TFB1M: variants seen among roughly 807,000 people sequenced by gnomAD.
TFB1M encodes transcription factor B1, mitochondrial, also known as dimethyladenosine transferase 1, mitochondrial.
A neutral mutation model predicts 31.1 loss-of-function variants in TFB1M; 27 were observed. The observed-to-expected ratio is 0.87, with a 90% CI of 0.64 to 1.20. The LOEUF is 1.20. TFB1M is among the 50% of genes most tolerant of loss of function. The probability of loss-of-function intolerance (pLI) is 0.00; values close to 1 mark genes in which losing one functional copy is unlikely to be tolerated. For missense variants in TFB1M, 394 were observed against 418.7 expected (o/e 0.94, Z 0.51); for synonymous variants, 166 against 151.8 (o/e 1.09, Z -0.69).
chr6:155,307,821 A>C (rs1256485024), intron 2 of TFB1M, among the ~76,000 whole-genome samples: 1 of 152,072 alleles, frequency 6.6e-6, no homozygotes, highest in Non-Finnish European at 1.5e-5. Flanking sequence ...AACAAATTTC[A>C]TAATGTTTTA....
At chr6:155,240,887 G>A in the TFB1M span, among the ~76,000 whole-genome samples, 1 of 152,228 alleles carries the variant, frequency 6.6e-6, no homozygotes, top group Admixed American at 6.5e-5. Flanking sequence ...GAGGGTGGAA[G>A]AGCTGAGGAG....
intron 5 of TFB1M, among the ~76,000 whole-genome samples, chr6:155,279,574 CAT>C (rs1785396782): frequency 6.6e-6 from 1 of 152,168 alleles, no homozygotes; most frequent in African/African-American, 2.4e-5. Context: ...AATGTTTTCT[CAT>C]ATGTCTTTCA....
At chr6:155,248,223 G>A in the TFB1M span, 32 of 1,576,436 alleles carry the variant, frequency 2.0e-5, no homozygotes, top group East Asian at 2.3e-5. Flanking sequence ...TGCACAGGGC[G>A]GCGAGGGGCT....
intron 2 of TFB1M, among the ~76,000 whole-genome samples, chr6:155,304,270 G>A (rs927423595): frequency 6.6e-6 from 1 of 151,972 alleles, no homozygotes; most frequent in African/African-American, 2.4e-5. Context: ...CACCAGGAGC[G>A]AAACTCTTGT....
Position 155,256,870 on chromosome 6 carries a change from C to G in TFB1M, c.*966G>C. 1.2e-6 allele frequency: 2 copies of G among 1,614,178 alleles called. No homozygotes were observed. Among genetic ancestry groups the G allele is most frequent in the Non-Finnish European group, 1.7e-6 (2 of 1,180,032 alleles). On this transcript the variant is annotated 3_prime_UTR_variant, in exon 7 of 7. Transcript: ENST00000367166. ...GCCTGGCCCGGAGTCGGGTGAGGGTCAGAAAGGAGGAGAGCAGCCCAAACT... is the reference window on the plus strand; with the variant it reads ...GCCTGGCCCGGAGTCGGGTGAGGGTGAGAAAGGAGGAGAGCAGCCCAAACT...
At position 155,296,961 on chromosome 6, in the gene TFB1M, C is replaced by T. The variant is rs199912560; in HGVS notation, c.538G>A (p.Val180Met). 9.1e-4 allele frequency: 1,473 copies of T among 1,613,874 alleles called. 3 individuals carry two copies. The highest frequency in any genetic ancestry group is 3.7e-3 in the South Asian group (340 of 91,078). Residue 180 changes from valine (V) to methionine (M), a missense_variant, in exon 4 of 7, where the codon GTG becomes ATG. Coordinates refer to ENST00000367166, the MANE Select transcript of TFB1M (RefSeq NM_016020.4). ...AAAATGTTAAAACTTACCTCTGCCA[C>T]TTCCTTTTGAAAAGTCAAAGTCATC... Reference protein sequence around the residue: ...TQMTLTFQKEVAERLAANTGS... With the variant: ...TQMTLTFQKEMAERLAANTGS...
chr6:155,297,373 A>C (rs1486001734), intron 3 of TFB1M, among the ~76,000 whole-genome samples: 1 of 152,214 alleles, frequency 6.6e-6, no homozygotes, highest in Non-Finnish European at 1.5e-5. Context: ...TACAGGAAAA[A>C]GAGTTGGCTT....
At chr6:155,292,623 C>A (rs1305173018) in intron 4 of TFB1M, among the ~76,000 whole-genome samples, 1 of 152,076 alleles carries the variant, frequency 6.6e-6, no homozygotes, top group Non-Finnish European at 1.5e-5. Flanking sequence ...ACAAACCCAA[C>A]ACTCAACCCA....
At chr6:155,244,828 G>T in the TFB1M span, 1 of 1,561,690 alleles carries the variant, frequency 6.4e-7, no homozygotes, top group East Asian at 2.3e-5. Context: ...ACGTGGCTAT[G>T]GTACGTATTT....
intron 2 of TFB1M, among the ~76,000 whole-genome samples, chr6:155,301,693 T>TTAGA (rs1424726485): frequency 6.6e-6 from 1 of 152,174 alleles, no homozygotes; most frequent in Non-Finnish European, 1.5e-5. Context: ...GTATGCCAGT[T>TTAGA]TAGAGTAAAA....
At chr6:155,254,463 T>C, downstream of TFB1M, 1 of 1,614,170 alleles carries the variant, frequency 6.2e-7, no homozygotes, top group Non-Finnish European at 8.5e-7. Context: ...ATTCGTTCTA[T>C]TCTGAGGGAG....
chr6:155,253,275 T>A, downstream of TFB1M: 1 of 525,660 alleles, frequency 1.9e-6, no homozygotes, highest in Non-Finnish European at 3.4e-6. Context: ...TTTCATTGTT[T>A]CCTTATTTTC....
intron 5 of TFB1M, among the ~76,000 whole-genome samples, chr6:155,262,865 G>A (rs1370903384): frequency 1.3e-5 from 2 of 152,128 alleles, no homozygotes; most frequent in African/African-American, 4.8e-5. Flanking sequence ...TTTAAATAAA[G>A]TTTTAAAACC....
chr6:155,276,243 T>C, intron 5 of TFB1M: 2 of 1,614,122 alleles, frequency 1.2e-6, no homozygotes, highest in Non-Finnish European at 1.7e-6. Flanking sequence ...ATGCTGTTGT[T>C]TATCTCTGGC....
chr6:155,257,832 G>A lies in TFB1M; in HGVS notation c.*4C>T, dbSNP rs754092124. On this transcript the variant is annotated 3_prime_UTR_variant, in exon 7 of 7. Coordinates refer to ENST00000367166, the MANE Select transcript of TFB1M (RefSeq NM_016020.4). ...CTGGTAGGCTGCTCGCCCCCAGGCA[G>A]CAGCTAGAGTCTGTAATTCTCTGCG... The A allele has an allele frequency of 3.1e-6, 5 of 1,614,050 alleles. No homozygotes were observed. The highest frequency in any genetic ancestry group is 1.3e-5 in the African/African-American group (1 of 75,042).
intron 5 of TFB1M, among the ~76,000 whole-genome samples, chr6:155,267,821 C>T (rs867528471): frequency 6.6e-6 from 1 of 152,166 alleles, no homozygotes; most frequent in Non-Finnish European, 1.5e-5. Flanking sequence ...TTTGAAGGAA[C>T]AGAAAAACAG....
intron 5 of TFB1M, among the ~76,000 whole-genome samples, chr6:155,262,013 A>G (rs1011895191): frequency 6.6e-6 from 1 of 152,212 alleles, no homozygotes; most frequent in African/African-American, 2.4e-5. Flanking sequence ...CCTCAAGTTT[A>G]GTAACAACTA....
chr6:155,249,247 C>T, the TFB1M span, among the ~76,000 whole-genome samples: 2 of 152,160 alleles, frequency 1.3e-5, no homozygotes, highest in Admixed American at 6.5e-5. Flanking sequence ...TATTCCCTCG[C>T]GGAAAGTTAT....
In TFB1M at chr6:155,257,533, T is replaced by C; in HGVS notation, c.*303A>G. ...CTTTATTTAAAGCATATTTAAGTTA[T>C]TTTAATGTGGTTTAGGGGCAAAATG... On this transcript the variant is annotated 3_prime_UTR_variant, in exon 7 of 7. Coordinates refer to ENST00000367166, the MANE Select transcript of TFB1M (RefSeq NM_016020.4). 1 of 374,820 alleles carries C rather than the reference T, an allele frequency of 2.7e-6. No individual in the cohort carries two copies. The highest frequency in any genetic ancestry group is 4.8e-6 in the Non-Finnish European group (1 of 208,770). The allele number at this position is 374,820 out of a possible 1,614,324, so 23.2% of individuals were successfully genotyped here.
Sources: gnomAD v4.1 joint callset for allele counts (sites outside exome capture counted in the v4.1 genomes callset) on GRCh38, gnomAD v4.1.1 for gene constraint, MANE v1.5 for transcripts, NCBI Gene and HGNC (gene_info 2026-07-23, HGNC 2026-07-21) for gene names.